Variants in GDPD5 observed in about 807,000 individuals in gnomAD.
The protein encoded by GDPD5 is glycerophosphodiester phosphodiesterase domain containing 5.
In GDPD5, 48 loss-of-function variants were observed where a neutral mutation model predicts 75.1. The ratio of observed to expected loss-of-function variants is 0.64; its 90% CI spans 0.51 to 0.81. GDPD5 has a LOEUF of 0.81. Among genes scored for constraint, GDPD5 ranks in the 40% least tolerant of loss-of-function variants. The pLI is 0.00. For missense variants in GDPD5, 706 were observed against 822.6 expected (o/e 0.86, Z 1.73); for synonymous variants, 336 against 339.0 (o/e 0.99, Z 0.10).
intron 1 of GDPD5, among the ~76,000 whole-genome samples, chr11:75,513,941 G>A (rs771963671): frequency 1.1e-4 from 16 of 152,302 alleles, no homozygotes; most frequent in Middle Eastern, 6.8e-3. Context: ...ACTTCCCACC[G>A]ACAGGCTGTG....
At chr11:75,443,105 T>C in intron 11 of GDPD5, 31 bp downstream of exon 11, 1 of 1,582,886 alleles carries the variant, frequency 6.3e-7, no homozygotes, top group Non-Finnish European at 8.6e-7. Flanking sequence ...GTGTTTTCCA[T>C]GCCTAAGATT....
At position 75,522,096 on chromosome 11, in the gene GDPD5, G is replaced by A. The variant is rs12275690; in HGVS notation, c.-145+3114C>T. Among the ~76,000 whole-genome samples the A allele has an allele frequency of 2.5e-3, 384 of 151,986 alleles. 1 individual carries two copies. Among genetic ancestry groups the A allele is most frequent in the African/African-American group, 8.7e-3 (359 of 41,452 alleles). On this transcript the variant is annotated intron_variant, in intron 1 of 16. Coordinates refer to ENST00000336898, the MANE Select transcript of GDPD5 (RefSeq NM_030792.8). ...TCGCCCCAAGTTCTCCCTACCTCTC[G>A]GCTTACCACGCTATCCCACCTGCCC...
chr11:75,454,135 A>C (rs572972131), intron 6 of GDPD5, among the ~76,000 whole-genome samples: 101 of 152,382 alleles, frequency 6.6e-4, no homozygotes, highest in Middle Eastern at 3.4e-3. Flanking sequence ...CAAATGGCTA[A>C]TTTCCCACAT....
Position 75,443,233 on chromosome 11 carries a change from T to C in GDPD5, c.851A>G (p.Asn284Ser), listed in dbSNP as rs374548603. The C allele has an allele frequency of 1.4e-5, 22 of 1,609,052 alleles. No individual in the cohort carries two copies. The highest frequency in any genetic ancestry group is 3.4e-5 in the Admixed American group (2 of 59,266). Residue 284 changes from asparagine to serine, a missense_variant, in exon 11 of 17, where the codon AAC (asparagine) becomes AGC (serine). Transcript: ENST00000336898. ...CAGCTCCGGGAACTCCTCCTCCACGTTGGTGGTGCGCCGCAGGGTGGTGTC... is the reference window on the plus strand; with the variant it reads ...CAGCTCCGGGAACTCCTCCTCCACGCTGGTGGTGCGCCGCAGGGTGGTGTC... ...MHDTTLRRTTNVEEEFPELAR... is the reference protein window; with the variant it reads ...MHDTTLRRTTSVEEEFPELAR...
At chr11:75,474,303 A>G (rs1204213758) in intron 3 of GDPD5, among the ~76,000 whole-genome samples, 1 of 152,208 alleles carries the variant, frequency 6.6e-6, no homozygotes, top group African/African-American at 2.4e-5. Context: ...CTCTCTATAG[A>G]GAAGCTGGTT....
intron 11 of GDPD5, 104 bp from the exon 12 acceptor site, chr11:75,442,685 C>G: frequency 1.0e-6 from 1 of 1,002,274 alleles, no homozygotes; most frequent in South Asian, 1.5e-5. Flanking sequence ...CTGCCAGAGT[C>G]TGCTGGGGTC....
rs1948650632 is a variant in GDPD5 at position 75,437,249 on chromosome 11, T to C, written c.1557-201A>G. 4 of 562,578 alleles carry C rather than the reference T, an allele frequency of 7.1e-6. No homozygotes were observed. In the East Asian group the frequency reaches 1.2e-4, roughly 17 times the overall value. The allele number at this position is 562,578 out of a possible 1,614,324, so 34.8% of individuals were successfully genotyped here. ...CTACTGACTCTCGGCCAGGGCTCCC[T>C]GGCCTCCCTCTTACCTCCAGAGCCG... On this transcript the variant is annotated intron_variant, in intron 15 of 16. Transcript: ENST00000336898.
In GDPD5 at chr11:75,512,681, C is replaced by T. The variant is rs1416679796; in HGVS notation, c.-145+12529G>A. Among the ~76,000 whole-genome samples, 4 of 152,124 alleles carry T rather than the reference C, an allele frequency of 2.6e-5. No individual in the cohort carries two copies. The East Asian group carries it at 7.7e-4, about 29-fold the overall frequency. The stretch of plus-strand genomic sequence containing the variant: ...CTGTAATCCCAGCACTTTGGGAGGC[C>T]GAGGCAGGTGGATCACCTGAGGTCA... On this transcript the variant is annotated intron_variant, in intron 1 of 16. Coordinates refer to ENST00000336898, the MANE Select transcript of GDPD5 (RefSeq NM_030792.8).
intron 10 of GDPD5, among the ~76,000 whole-genome samples, chr11:75,443,986 CCT>C (rs1948909438): frequency 6.6e-6 from 1 of 152,306 alleles, no homozygotes; most frequent in East Asian, 1.9e-4. Context: ...TCTCAGATAA[CCT>C]CTGTTATGAG....
At chr11:75,443,083 C>A in intron 11 of GDPD5, 53 bp downstream of exon 11, 1 of 1,559,728 alleles carries the variant, frequency 6.4e-7, no homozygotes, top group Non-Finnish European at 8.7e-7. Context: ...TCACTCCTTG[C>A]AGTCCCTGCT....
At chr11:75,435,929 G>A (rs1565175509) in intron 16 of GDPD5, among the ~76,000 whole-genome samples, 5 of 152,186 alleles carry the variant, frequency 3.3e-5, no homozygotes, top group Admixed American at 2.6e-4. Context: ...ACTCTCCTCA[G>A]GGCCTTTGCA....
At chr11:75,503,760 C>T (rs909356035) in intron 1 of GDPD5, among the ~76,000 whole-genome samples, 2 of 152,226 alleles carry the variant, frequency 1.3e-5, no homozygotes, top group South Asian at 4.1e-4. Flanking sequence ...GAAGCAGCTC[C>T]GCTGTCCACA....
chr11:75,480,583 C>T (rs1449820629), intron 2 of GDPD5, among the ~76,000 whole-genome samples: 3 of 152,136 alleles, frequency 2.0e-5, no homozygotes, highest in Non-Finnish European at 4.4e-5. Context: ...CATGTTACAT[C>T]CCCAAAGTAT....
intron 1 of GDPD5, among the ~76,000 whole-genome samples, chr11:75,493,216 GC>G (rs1950142310): frequency 7.4e-6 from 1 of 135,160 alleles, no homozygotes; most frequent in Admixed American, 7.9e-5. Flanking sequence ...GGGAAAAGGG[GC>G]CCCCACACAT....
chr11:75,465,661 CAA>C (rs966500782), intron 3 of GDPD5, among the ~76,000 whole-genome samples: 1 of 152,188 alleles, frequency 6.6e-6, no homozygotes, highest in Non-Finnish European at 1.5e-5. Flanking sequence ...CCAGTTCCCA[CAA>C]AAAAGTACCT....
chr11:75,449,262 G>A (rs1358941891), intron 8 of GDPD5, 140 bp from the exon 9 acceptor site: 15 of 1,002,474 alleles, frequency 1.5e-5, no homozygotes, highest in East Asian at 2.6e-5. Flanking sequence ...GATGAACCCC[G>A]CCTCTAACTC....
At position 75,516,239 on chromosome 11, in the gene GDPD5, G is replaced by A. The variant is rs183751195; in HGVS notation, c.-145+8971C>T. 13 of 152,558 alleles carry A rather than the reference G, an allele frequency of 8.5e-5. No individual in the cohort carries two copies. In the East Asian group the frequency reaches 2.1e-3, roughly 25 times the overall value. 9.5% of individuals were successfully genotyped at this position (152,558 alleles called of 1,614,324 possible). A position where few individuals can be genotyped will look rare whatever the true frequency, so the allele number is the denominator to read the frequency against. On this transcript the variant is annotated intron_variant, in intron 1 of 16. Transcript: ENST00000336898. ...CCTGGGTTGACTGGGTCCCTGTACT[G>A]ATGGCCCACAGCCCCTATCCCTATA...
chr11:75,441,173 AG>A lies in GDPD5; in HGVS notation c.1462del (p.Leu488SerfsTer48). 6.2e-7 allele frequency: 1 copy of A among 1,613,398 alleles called. No individual in the cohort carries two copies. Among genetic ancestry groups the A allele is most frequent in the Non-Finnish European group, 8.5e-7 (1 of 1,179,774 alleles). On this transcript the variant is annotated frameshift_variant, in exon 14 of 17. Coordinates refer to ENST00000336898, the MANE Select transcript of GDPD5 (RefSeq NM_030792.8). LOFTEE classifies it high-confidence loss of function. ...SHALSQVPSP[L>X]WIMPPDEYCL... ...TGCCCCCCAACTCACCATGATCCAG[AG>A]GGGGGAAGGCACCTGGGACAGGGCG...
rs373895565 is a variant in GDPD5 at position 75,449,900 on chromosome 11, C to T, written c.459G>A (p.Leu153=). The T allele has an allele frequency of 1.2e-5, 20 of 1,613,456 alleles. No individual in the cohort carries two copies. The highest frequency in any genetic ancestry group is 1.5e-5 in the Non-Finnish European group (18 of 1,179,812). The change falls in exon 7 of 17, where the codon CTG becomes CTA. Residue 153 remains leucine, a synonymous_variant. Coordinates refer to ENST00000336898, the MANE Select transcript of GDPD5 (RefSeq NM_030792.8). ...AQLWEDEWEV[L]LISLQGTAPF... Reference sequence around the variant, plus strand: ...CCTCACTCACCTGCAGGGAGATCAGCAGCACCTCCCACTCGTCCTCCCACA... The same window carrying T: ...CCTCACTCACCTGCAGGGAGATCAGTAGCACCTCCCACTCGTCCTCCCACA...
Sources: allele counts gnomAD v4.1 joint callset (sites outside exome capture counted in the v4.1 genomes callset), GRCh38; gene constraint gnomAD v4.1.1; transcripts MANE v1.5; gene names NCBI Gene and HGNC (gene_info 2026-07-23, HGNC 2026-07-21).